The following FYN variants were observed in gnomAD, a reference collection of about 807,000 sequenced individuals.
FYN encodes the protein FYN proto-oncogene, Src family tyrosine kinase, also known as tyrosine-protein kinase Fyn.
In FYN, 10 loss-of-function variants were observed where a neutral mutation model predicts 70.2. That is an observed-to-expected ratio of 0.14 (90% CI 0.09 to 0.24). The LOEUF is 0.24. FYN is among the 10% of genes least tolerant of loss of function. The pLI is 1.00. For synonymous variants in FYN, 236 were observed against 248.6 expected (o/e 0.95, Z 0.48); for missense variants, 319 against 673.1 (o/e 0.47, Z 5.82).
At chr6:111,754,721 C>T (rs1802638905) in intron 3 of FYN, 1 of 152,082 alleles carries the variant, frequency 6.6e-6, no homozygotes, top group African/African-American at 2.4e-5. Context: ...TGGTTTTGGC[C>T]TTAATATACA....
intron 1 of FYN, among the ~76,000 whole-genome samples, chr6:111,861,744 C>T (rs1328514056): frequency 6.6e-6 from 1 of 152,220 alleles, no homozygotes; most frequent in African/African-American, 2.4e-5. Flanking sequence ...CCAACACTGC[C>T]TGTTGTGCTG....
chr6:111,854,405 T>C lies in FYN; in HGVS notation c.-122-7776A>G, dbSNP rs7765881. Reference sequence around the variant, plus strand: ...GCTAAGGGCAGCTAACTCCTTCCGGTCTTGATTGGCAGTAGGAAAAGTATT... The same window carrying C: ...GCTAAGGGCAGCTAACTCCTTCCGGCCTTGATTGGCAGTAGGAAAAGTATT... On this transcript the variant is annotated intron_variant, in intron 1 of 13. Transcript: ENST00000354650. Among the ~76,000 whole-genome samples the C allele has an allele frequency of 3.7e-4, 56 of 152,240 alleles. 1 individual carries two copies. Among genetic ancestry groups the C allele is most frequent in the African/African-American group, 1.3e-3 (54 of 41,542 alleles).
intron 2 of FYN, among the ~76,000 whole-genome samples, chr6:111,841,763 TG>T (rs1279049307): frequency 6.6e-6 from 1 of 152,004 alleles, no homozygotes; most frequent in Non-Finnish European, 1.5e-5. Flanking sequence ...AAATTTAGAA[TG>T]TCTAGGAAGA....
Position 111,694,825 on chromosome 6 carries a change from G to T in FYN, c.1043-121C>A, listed in dbSNP as rs887864078. The T allele has an allele frequency of 1.3e-6, 1 of 787,612 alleles. No homozygotes were observed. The highest frequency in any genetic ancestry group is 2.6e-5 in the East Asian group (1 of 38,090). The allele number at this position is 787,612 out of a possible 1,614,324, so 48.8% of individuals were successfully genotyped here. On this transcript the variant is annotated intron_variant, in intron 10 of 13. Coordinates refer to ENST00000354650, the MANE Select transcript of FYN (RefSeq NM_002037.5). The surrounding 1 kb of genome is among the most constrained non-coding windows in gnomAD (Gnocchi z 5.0). Reference sequence around the variant, plus strand: ...TCAAATGGAATAATGCCATCCACATGGGGGGACAAAAAGGTTTATATAAAA... The same window carrying T: ...TCAAATGGAATAATGCCATCCACATTGGGGGACAAAAAGGTTTATATAAAA...
chr6:111,823,974 C>T (rs768043444), intron 2 of FYN, among the ~76,000 whole-genome samples: 5 of 152,144 alleles, frequency 3.3e-5, no homozygotes, highest in Non-Finnish European at 5.9e-5. Flanking sequence ...TACATTATGC[C>T]TCAGGAACTG....
At chr6:111,706,227 A>C (rs1800086648) in intron 6 of FYN, among the ~76,000 whole-genome samples, 1 of 152,244 alleles carries the variant, frequency 6.6e-6, no homozygotes, top group Non-Finnish European at 1.5e-5. Context: ...CTGAATGAGC[A>C]GCAGGTGCCC....
chr6:111,821,332 C>T (rs1230815034), intron 2 of FYN, among the ~76,000 whole-genome samples: 1 of 152,100 alleles, frequency 6.6e-6, no homozygotes, highest in Non-Finnish European at 1.5e-5. Context: ...TAATACCACA[C>T]ATCTACAACC....
At chr6:111,763,279 C>T (rs1803083068) in intron 3 of FYN, among the ~76,000 whole-genome samples, 1 of 152,172 alleles carries the variant, frequency 6.6e-6, no homozygotes, top group African/African-American at 2.4e-5. Flanking sequence ...AACCCAGCCA[C>T]CCTGGGTACC....
intron 13 of FYN, among the ~76,000 whole-genome samples, chr6:111,670,394 C>T (rs774029685): frequency 2.0e-5 from 3 of 152,212 alleles, no homozygotes; most frequent in Non-Finnish European, 4.4e-5. Context: ...CCCCTCTCTC[C>T]CCTTCCCTGT....
intron 13 of FYN, among the ~76,000 whole-genome samples, chr6:111,666,849 C>G: frequency 6.6e-6 from 1 of 152,068 alleles, no homozygotes; most frequent in East Asian, 1.9e-4. Flanking sequence ...GTGTGGGGGT[C>G]TGCCTTCGAG....
At chr6:111,773,966 A>C (rs1803604691) in intron 3 of FYN, among the ~76,000 whole-genome samples, 1 of 152,200 alleles carries the variant, frequency 6.6e-6, no homozygotes. Context: ...TAAGATAACA[A>C]ATCAAAAACT....
chr6:111,725,996 TGG>T (rs1203953415), intron 3 of FYN, among the ~76,000 whole-genome samples: 2 of 152,152 alleles, frequency 1.3e-5, no homozygotes, highest in Non-Finnish European at 2.9e-5. Context: ...GCCTTCATTG[TGG>T]GGGAGATTCT....
chr6:111,715,523 C>T (rs1800593826), intron 4 of FYN, among the ~76,000 whole-genome samples: 1 of 152,190 alleles, frequency 6.6e-6, no homozygotes, highest in Non-Finnish European at 1.5e-5. Flanking sequence ...AGTGACTAGG[C>T]TTCAAAAGAT....
chr6:111,871,474 C>A (rs1774271306), intron 1 of FYN, among the ~76,000 whole-genome samples: 1 of 152,206 alleles, frequency 6.6e-6, no homozygotes, highest in African/African-American at 2.4e-5. Flanking sequence ...AGGCAGTCTG[C>A]AGTGGTCTTC....
intron 4 of FYN, among the ~76,000 whole-genome samples, chr6:111,716,464 C>G (rs965314979): frequency 6.6e-6 from 1 of 152,170 alleles, no homozygotes; most frequent in African/African-American, 2.4e-5. Flanking sequence ...AAAGCCCAGG[C>G]TGAACGCAGC....
At position 111,857,579 on chromosome 6, in the gene FYN, T is replaced by C. The variant is rs186815740; in HGVS notation, c.-122-10950A>G. On this transcript the variant is annotated intron_variant, in intron 1 of 13. Transcript: ENST00000354650. ...TTAAGCAGTTAAAATATAGCCCAAA[T>C]GCAGAGTGGCAGGTTTGAAATATAC... is the stretch of plus-strand genomic sequence containing the variant. Among the ~76,000 whole-genome samples, 19 of 152,262 alleles carry C rather than the reference T, an allele frequency of 1.2e-4. No homozygotes were observed. In the East Asian group the frequency reaches 2.7e-3, roughly 22 times the overall value.
intron 2 of FYN, among the ~76,000 whole-genome samples, chr6:111,795,459 G>C (rs939656103): frequency 3.3e-5 from 5 of 152,198 alleles, no homozygotes; most frequent in Admixed American, 1.3e-4. Flanking sequence ...GAGCCATCCA[G>C]TCTATGATAC....
intron 13 of FYN, among the ~76,000 whole-genome samples, chr6:111,664,831 C>T (rs923527707): frequency 6.6e-6 from 1 of 152,210 alleles, no homozygotes; most frequent in Non-Finnish European, 1.5e-5. Flanking sequence ...CAAGTGGAAA[C>T]ATACCAATGA....
chr6:111,704,229 T>C, intron 6 of FYN, 127 bp from the exon 7 acceptor site: 4 of 681,340 alleles, frequency 5.9e-6, no homozygotes, highest in Non-Finnish European at 1.0e-5. Flanking sequence ...TCCCTGGATG[T>C]ATTTTTTTTC....
Sources: gnomAD v4.1 joint callset for allele counts (sites outside exome capture counted in the v4.1 genomes callset) on GRCh38, gnomAD v4.1.1 for gene constraint, Gnocchi (gnomAD v3.1) non-coding constraint, MANE v1.5 for transcripts, NCBI Gene and HGNC (gene_info 2026-07-23, HGNC 2026-07-21) for gene names.